Variants in PRH1 observed in about 807,000 individuals in gnomAD.
PRH1 encodes proline rich protein HaeIII subfamily 1, also known as salivary acidic proline-rich phosphoprotein 1/2.
In PRH1, 7 loss-of-function variants were observed where a neutral mutation model predicts 7.9. The ratio of observed to expected loss-of-function variants is 0.89; its 90% CI spans 0.50 to 1.67. PRH1 has a LOEUF of 1.67. Ranked by LOEUF, PRH1 falls within the 40% of genes most tolerant of loss-of-function variation. PRH1 has a pLI of 0.00. For synonymous variants in PRH1, 45 were observed against 80.8 expected (o/e 0.56, Z 2.38); for missense variants, 109 against 223.6 (o/e 0.49, Z 3.27).
chr12:11,005,770 A>G lies in PRH1; in HGVS notation c.-125-32049T>C, dbSNP rs189671657. ...TCTCACCCTTTTCAGTCAATTTTCA[A>G]TATTTATAAACTTATCTCTCGTGCT... On this transcript the variant is annotated intron_variant, in intron 1 of 3. Transcript: ENST00000539853. Among the ~76,000 whole-genome samples the G allele has an allele frequency of 3.3e-5, 5 of 152,146 alleles. No individual in the cohort carries two copies. In the East Asian group the frequency reaches 7.7e-4, roughly 24 times the overall value.
chr12:10,893,712 G>A (rs1377728904), intron 2 of PRH1, among the ~76,000 whole-genome samples: 1 of 152,056 alleles, frequency 6.6e-6, no homozygotes, highest in Admixed American at 6.5e-5. Flanking sequence ...TTGTTCTATC[G>A]ATTACCATAT....
At chr12:11,152,339 A>G (rs1241448367) in intron 1 of PRH1, among the ~76,000 whole-genome samples, 2 of 150,376 alleles carry the variant, frequency 1.3e-5, no homozygotes, top group Non-Finnish European at 3.0e-5. Flanking sequence ...ATAGTATAAT[A>G]ATACAAGAAA....
At chr12:10,955,205 T>C (rs902098400) in intron 2 of PRH1, among the ~76,000 whole-genome samples, 3 of 151,638 alleles carry the variant, frequency 2.0e-5, no homozygotes, top group Non-Finnish European at 2.9e-5. Context: ...CTAGCAAATA[T>C]GAAAAAAAGA....
At chr12:11,101,098 C>A (rs1945230467) in intron 1 of PRH1, among the ~76,000 whole-genome samples, 1 of 152,026 alleles carries the variant, frequency 6.6e-6, no homozygotes, top group Non-Finnish European at 1.5e-5. Context: ...GTCTATCAAT[C>A]ATGGATATTC....
At chr12:10,973,668 C>T (rs1318252218) in exon 2 of PRH1, 1 of 778,110 alleles carries the variant, frequency 1.3e-6, no homozygotes, top group Non-Finnish European at 2.4e-6. Context: ...TGAAAACTTC[C>T]ACTCTTGAGT....
chr12:11,123,242 A>G (rs1461051467), intron 1 of PRH1, among the ~76,000 whole-genome samples: 1 of 152,272 alleles, frequency 6.6e-6, no homozygotes, highest in Non-Finnish European at 1.5e-5. Flanking sequence ...TATTTGATAT[A>G]TATTTGGGCA....
At chr12:11,161,254 A>G (rs1392759251) in intron 1 of PRH1, among the ~76,000 whole-genome samples, 2 of 152,232 alleles carry the variant, frequency 1.3e-5, no homozygotes, top group African/African-American at 4.8e-5. Context: ...ACATATCAGT[A>G]CCATTAAAAG....
Position 11,093,067 on chromosome 12 carries a change from C to A in PRH1, n.124-45879G>T, listed in dbSNP as rs1354384538. ...TAGTATGCAAATAGGGACATATTCA[C>A]TTTCAGTGTTTGCAATTTTTCCTTG... On this transcript the variant is annotated intron_variant and non_coding_transcript_variant, in intron 1 of 4. Coordinates refer to the PRH1 transcript ENST00000541977. Among the ~76,000 whole-genome samples the A allele has an allele frequency of 3.4e-5, 4 of 116,402 alleles. 2 individuals carry two copies. Among genetic ancestry groups the A allele is most frequent in the Non-Finnish European group, 8.1e-5 (4 of 49,252 alleles). 76.4% of individuals were successfully genotyped at this position (116,402 alleles called of 152,430 possible). A position where few individuals can be genotyped will look rare whatever the true frequency, so the allele number is the denominator to read the frequency against.
At chr12:11,100,620 C>T (rs2708362) in intron 1 of PRH1, among the ~76,000 whole-genome samples, 2 of 151,956 alleles carry the variant, frequency 1.3e-5, no homozygotes, top group African/African-American at 2.4e-5. Flanking sequence ...ATCTTTAAAA[C>T]ATCAAATAGT....
At chr12:11,102,537 T>C (rs1204088342) in intron 1 of PRH1, among the ~76,000 whole-genome samples, 1 of 152,134 alleles carries the variant, frequency 6.6e-6, no homozygotes, top group East Asian at 1.9e-4. Flanking sequence ...ATACAAAAAT[T>C]AATTCAGGAT....
intron 2 of PRH1, chr12:10,931,193 T>C (rs1462792112): frequency 5.9e-6 from 9 of 1,534,480 alleles, no homozygotes; most frequent in Non-Finnish European, 6.1e-6. Context: ...CTGGAACACA[T>C]TTCTCATGAG....
chr12:10,970,796 ACCT>A (rs973178722), intron 2 of PRH1, among the ~76,000 whole-genome samples: 7 of 144,936 alleles, frequency 4.8e-5, no homozygotes, highest in African/African-American at 1.8e-4. Flanking sequence ...TGAACACCTG[ACCT>A]CAGGTGATCC....
At chr12:11,061,724 T>C (rs753885617) in intron 1 of PRH1, 1 of 1,614,142 alleles carries the variant, frequency 6.2e-7, no homozygotes, top group South Asian at 1.1e-5. Context: ...GATATCAGGG[T>C]CAGAGTGAAG....
At chr12:11,160,295 A>G (rs1419409404) in intron 1 of PRH1, among the ~76,000 whole-genome samples, 1 of 152,214 alleles carries the variant, frequency 6.6e-6, no homozygotes, top group Non-Finnish European at 1.5e-5. Flanking sequence ...AATTTCACCC[A>G]AGTCCTAAAA....
chr12:11,011,913 A>C (rs1350401352), intron 1 of PRH1, among the ~76,000 whole-genome samples: 1 of 152,156 alleles, frequency 6.6e-6, no homozygotes, highest in African/African-American at 2.4e-5. Flanking sequence ...TGGAAAATGA[A>C]TTTCAGGCAG....
intron 1 of PRH1, chr12:11,022,457 G>A (rs146593308): frequency 2.0e-5 from 33 of 1,613,934 alleles, no homozygotes; most frequent in African/African-American, 1.3e-4. Flanking sequence ...GAGATCTTTC[G>A]TGTGTTAACC....
At chr12:11,021,861 T>A in intron 1 of PRH1, 1 of 1,614,248 alleles carries the variant, frequency 6.2e-7, no homozygotes, top group Non-Finnish European at 8.5e-7. Flanking sequence ...AAATGGCAAA[T>A]AACATGAGGA....
intron 1 of PRH1, among the ~76,000 whole-genome samples, chr12:11,039,943 T>G (rs969911399): frequency 7.1e-6 from 1 of 141,828 alleles, no homozygotes; most frequent in African/African-American, 2.5e-5. Flanking sequence ...GCCCTGCTTT[T>G]CCACTTGGGC....
At chr12:11,120,076 A>G (rs1358336899), downstream of PRH1, among the ~76,000 whole-genome samples, 8 of 152,220 alleles carry the variant, frequency 5.3e-5, no homozygotes, top group East Asian at 1.2e-3. Context: ...CCTCAATTAC[A>G]TAACTTCCAG....
Sources: allele counts gnomAD v4.1 joint callset (sites outside exome capture counted in the v4.1 genomes callset), GRCh38; gene constraint gnomAD v4.1.1; transcripts MANE v1.5; gene names NCBI Gene and HGNC (gene_info 2026-07-23, HGNC 2026-07-21).